KHDRBS1: variants seen among roughly 807,000 people sequenced by gnomAD.
The protein encoded by KHDRBS1 is KH domain-containing, RNA-binding, signal transduction-associated protein 1.
KHDRBS1 carries 7 observed loss-of-function variants against 48.4 expected under a neutral mutation model. That is an observed-to-expected ratio of 0.14 (90% CI 0.08 to 0.27). The LOEUF (loss-of-function observed/expected upper bound fraction) is 0.27, where lower values mean the gene tolerates loss of function less well. Among genes scored for constraint, KHDRBS1 ranks in the 10% least tolerant of loss-of-function variants. The probability of loss-of-function intolerance (pLI) is 1.00; values close to 1 mark genes in which losing one functional copy is unlikely to be tolerated. For missense variants in KHDRBS1, 458 were observed against 601.2 expected (o/e 0.76, Z 2.49); for synonymous variants, 241 against 235.8 (o/e 1.02, Z -0.20).
rs190722100 is a variant in KHDRBS1 at position 32,024,371 on chromosome 1, G to A, written c.383-5927G>A. ...GTCACCCAAGCTGGAATGCAGTGGC[G>A]CCCATTATGGCTCACCACAGCCTCC... is the stretch of plus-strand genomic sequence containing the variant. On this transcript the variant is annotated intron_variant, in intron 1 of 8. Coordinates refer to ENST00000327300, the MANE Select transcript of KHDRBS1 (RefSeq NM_006559.3). Among the ~76,000 whole-genome samples the A allele has an allele frequency of 1.4e-4, 22 of 152,084 alleles. No individual in the cohort carries two copies. The East Asian group carries it at 3.9e-3, about 27-fold the overall frequency.
At position 32,037,818 on chromosome 1, in the gene KHDRBS1, A is replaced by G. The variant is rs1557896571; in HGVS notation, c.906-17A>G. On this transcript the variant is annotated splice_polypyrimidine_tract_variant and intron_variant, in intron 5 of 8. Coordinates refer to ENST00000327300, the MANE Select transcript of KHDRBS1 (RefSeq NM_006559.3). Reference sequence around the variant, plus strand: ...GTTTATAAAAAGCTCCATTTAAGATAAACTTTCATTTTGTAGGGGCCGTGG... The same window carrying G: ...GTTTATAAAAAGCTCCATTTAAGATGAACTTTCATTTTGTAGGGGCCGTGG... The G allele has an allele frequency of 6.2e-7, 1 of 1,608,206 alleles. No homozygotes were observed. Among genetic ancestry groups the G allele is most frequent in the East Asian group, 2.2e-5 (1 of 44,712 alleles).
chr1:32,051,796 C>G (rs1327443420), intron 10 of KHDRBS1, among the ~76,000 whole-genome samples: 1 of 152,154 alleles, frequency 6.6e-6, no homozygotes, highest in Non-Finnish European at 1.5e-5. Context: ...ACCTCCTGTC[C>G]CAGGCTAAGA....
intron 1 of KHDRBS1, among the ~76,000 whole-genome samples, chr1:32,015,281 A>G (rs1638718221): frequency 2.0e-5 from 3 of 152,180 alleles, no homozygotes; most frequent in Admixed American, 6.5e-5. Flanking sequence ...GCACTGGCCA[A>G]TCACCTAGTC....
At position 32,043,081 on chromosome 1, in the gene KHDRBS1, A is replaced by G. The variant is rs1323398181; in HGVS notation, c.*457A>G. 6.5e-6 allele frequency: 1 copy of G among 153,180 alleles called. No individual in the cohort carries two copies. The highest frequency in any genetic ancestry group is 1.5e-5 in the Non-Finnish European group (1 of 68,474). 9.5% of individuals were successfully genotyped at this position (153,180 alleles called of 1,614,324 possible). On this transcript the variant is annotated 3_prime_UTR_variant, in exon 9 of 9. Transcript: ENST00000327300. ...GTTGCAGAATCCCAAACTAGGCTAC[A>G]TTTCAAAATTCAGGGCTGTTTAAGA... is the stretch of plus-strand genomic sequence containing the variant.
intron 10 of KHDRBS1, among the ~76,000 whole-genome samples, chr1:32,058,719 C>T (rs191939072): frequency 1.4e-4 from 22 of 152,254 alleles, no homozygotes; most frequent in Admixed American, 7.2e-4. Context: ...AGGAGGATCG[C>T]TTGAGCCAAG....
chr1:32,030,195 A>G, intron 1 of KHDRBS1, 103 bp from the exon 2 acceptor site: 1 of 873,934 alleles, frequency 1.1e-6, no homozygotes, highest in South Asian at 1.8e-5. Context: ...ATTTGTGTGA[A>G]CTATTTGGTT....
At chr1:32,053,823 G>A (rs908097634) in intron 10 of KHDRBS1, among the ~76,000 whole-genome samples, 9 of 152,096 alleles carry the variant, frequency 5.9e-5, no homozygotes, top group Admixed American at 2.0e-4. Flanking sequence ...TGGCTCACAC[G>A]TGTAATCCTA....
At chr1:32,017,600 C>CTTTTTTTTTT (rs34505125) in intron 1 of KHDRBS1, among the ~76,000 whole-genome samples, 107 of 73,792 alleles carry the variant, frequency 1.5e-3, no homozygotes, top group East Asian at 4.0e-3. Flanking sequence ...TCTTTTTCTA[C>CTTTTTTTTTT]TTTTTTTTTT....
rs375863872 is a variant in KHDRBS1 at position 32,033,351 on chromosome 1, C to T, written c.771+17C>T. Reference sequence around the variant, plus strand: ...CTAGTACCGGTAAGGAAATCCATATCCTGTGTCTTCTGAGCAAAAGAGAAC... The same window carrying T: ...CTAGTACCGGTAAGGAAATCCATATTCTGTGTCTTCTGAGCAAAAGAGAAC... On this transcript the variant is annotated intron_variant, in intron 4 of 8. Transcript: ENST00000327300. 3 of 1,612,612 alleles carry T rather than the reference C, an allele frequency of 1.9e-6. No individual in the cohort carries two copies. The highest frequency in any genetic ancestry group is 1.7e-5 in the Admixed American group (1 of 59,964).
chr1:32,027,294 CT>C (rs200160357), intron 1 of KHDRBS1, among the ~76,000 whole-genome samples: 4,571 of 152,204 alleles, frequency 0.03, 78 homozygotes, highest in South Asian at 0.065. Flanking sequence ...CATCTTTGTT[CT>C]TCTAGGACTT....
chr1:32,033,740 G>A (rs1255862681), intron 4 of KHDRBS1, among the ~76,000 whole-genome samples: 2 of 152,230 alleles, frequency 1.3e-5, no homozygotes, highest in African/African-American at 2.4e-5. Context: ...GCTGTAGAGA[G>A]TAGAGACTAG....
intron 1 of KHDRBS1, among the ~76,000 whole-genome samples, chr1:32,022,850 A>C (rs948906292): frequency 2.6e-5 from 4 of 152,066 alleles, no homozygotes; most frequent in African/African-American, 9.7e-5. Flanking sequence ...AAATTGCGCC[A>C]CTGCACTCCA....
chr1:32,034,270 T>C (rs1639133469), intron 4 of KHDRBS1, among the ~76,000 whole-genome samples: 1 of 152,184 alleles, frequency 6.6e-6, no homozygotes, highest in Non-Finnish European at 1.5e-5. Flanking sequence ...CAAAAATTTA[T>C]AGGCAGTGTG....
chr1:32,022,159 C>T (rs1026226727), intron 1 of KHDRBS1, among the ~76,000 whole-genome samples: 1 of 151,788 alleles, frequency 6.6e-6, no homozygotes, highest in South Asian at 2.1e-4. Flanking sequence ...TAGAGTAAAT[C>T]TTTAAATCTT....
Position 32,042,717 on chromosome 1 carries a change from C to A in KHDRBS1, c.*93C>A. The A allele has an allele frequency of 1.3e-6, 1 of 757,528 alleles. No individual in the cohort carries two copies. Among genetic ancestry groups the A allele is most frequent in the Non-Finnish European group, 2.3e-6 (1 of 438,238 alleles). The allele number at this position is 757,528 out of a possible 1,614,324, so 46.9% of individuals were successfully genotyped here. A position where few individuals can be genotyped will look rare whatever the true frequency, so the allele number is the denominator to read the frequency against. The stretch of plus-strand genomic sequence containing the variant: ...TTCCTGTTGCTTTACCCACAACAGA[C>A]AAGTAATTGTCTAAGTGTTTTTCTT... On this transcript the variant is annotated 3_prime_UTR_variant, in exon 9 of 9. Coordinates refer to ENST00000327300, the MANE Select transcript of KHDRBS1 (RefSeq NM_006559.3).
At chr1:32,049,424 CT>C (rs200632932) in intron 10 of KHDRBS1, among the ~76,000 whole-genome samples, 544 of 140,698 alleles carry the variant, frequency 3.9e-3, no homozygotes, top group Non-Finnish European at 4.2e-3. Context: ...CTACTTTGTT[CT>C]TTTTTTTTTT....
chr1:32,013,982 G>A lies in KHDRBS1; in HGVS notation c.-14G>A. On this transcript the variant is annotated 5_prime_UTR_variant, in exon 1 of 9. Transcript: ENST00000327300. ...GCGTCGCTTTCTCGCTCCTTGGATC[G>A]CACATCCTCCCAGATGCAGCGCCGG... 5 of 1,484,768 alleles carry A rather than the reference G, an allele frequency of 3.4e-6. No individual in the cohort carries two copies. Among genetic ancestry groups the A allele is most frequent in the Admixed American group, 2.4e-5 (1 of 41,112 alleles). The allele number at this position is 1,484,768 out of a possible 1,614,324, so 92.0% of individuals were successfully genotyped here. A position where few individuals can be genotyped will look rare whatever the true frequency, so the allele number is the denominator to read the frequency against.
chr1:32,039,393 G>A, intron 7 of KHDRBS1, 122 bp from the exon 8 acceptor site: 1 of 689,410 alleles, frequency 1.5e-6, no homozygotes, highest in Non-Finnish European at 2.7e-6. Context: ...TAGGGATGGG[G>A]CAGAATGAGT....
At chr1:32,041,227 TG>T (rs1262256189) in intron 8 of KHDRBS1, among the ~76,000 whole-genome samples, 1 of 152,200 alleles carries the variant, frequency 6.6e-6, no homozygotes, top group Non-Finnish European at 1.5e-5. Flanking sequence ...ACTGTCTTGT[TG>T]ATACCCAGAA....
Sources: allele counts gnomAD v4.1 joint callset (sites outside exome capture counted in the v4.1 genomes callset), GRCh38; gene constraint gnomAD v4.1.1; transcripts MANE v1.5; gene names NCBI Gene and HGNC (gene_info 2026-07-23, HGNC 2026-07-21).